EFNB2: variants seen among roughly 807,000 people sequenced by gnomAD.
EFNB2 encodes the protein ephrin-B2.
A neutral mutation model predicts 32.1 loss-of-function variants in EFNB2; 5 were observed. The observed-to-expected ratio is 0.16, with a 90% CI of 0.08 to 0.33. The LOEUF (loss-of-function observed/expected upper bound fraction) is 0.33. Ranked by LOEUF, EFNB2 falls within the 10% of genes least tolerant of loss-of-function variation. EFNB2 has a pLI of 1.00. For missense variants in EFNB2, 263 were observed against 422.6 expected (o/e 0.62, Z 3.31); for synonymous variants, 168 against 166.5 (o/e 1.01, Z -0.07).
At position 106,493,065 on chromosome 13, in the gene EFNB2, G is replaced by A. The variant is rs761345466; in HGVS notation, c.977C>T (p.Pro326Leu). The A allele has an allele frequency of 9.9e-6, 16 of 1,611,938 alleles. No homozygotes were observed. Among genetic ancestry groups the A allele is most frequent in the African/African-American group, 2.7e-5 (2 of 74,884 alleles). ...TCAGACCTTGTAGTAAATGTTCGCC[G>A]GGCTCTGCGGGGGCATCTCCTGGAC... ...YIVQEMPPQS[P>L]ANIYYKV Residue 326 changes from proline (P) to leucine (L), a missense_variant, in exon 5 of 5, where the codon CCG becomes CTG. Pro to Leu is a moderately conservative substitution (Grantham distance 98). Coordinates refer to ENST00000646441, the MANE Select transcript of EFNB2 (RefSeq NM_004093.4). The surrounding 1 kb of genome is among the most constrained non-coding windows in gnomAD (Gnocchi z 6.1).
intron 2 of EFNB2, among the ~76,000 whole-genome samples, chr13:106,498,831 GCAGA>G (rs1230995792): frequency 6.6e-6 from 1 of 152,144 alleles, no homozygotes; most frequent in Non-Finnish European, 1.5e-5. Flanking sequence ...CAGTCTGAAT[GCAGA>G]CAGTTTTTCT....
rs1486448222 is a variant in EFNB2, at chr13:106,535,650, G to A, written c.-686C>T. On this transcript the variant is annotated 5_prime_UTR_variant, in exon 1 of 5. Coordinates refer to ENST00000646441, the MANE Select transcript of EFNB2 (RefSeq NM_004093.4). ...TCCGGCCGGCGCCGCGGTCCCCGCC[G>A]AGGAGAGTCAGCGCGGCCGCCGCGC... 6.6e-6 allele frequency: 1 copy of A among 150,722 alleles called. No individual in the cohort carries two copies. Among genetic ancestry groups the A allele is most frequent in the African/African-American group, 2.4e-5 (1 of 41,212 alleles). 9.3% of individuals were successfully genotyped at this position (150,722 alleles called of 1,614,324 possible). A position where few individuals can be genotyped will look rare whatever the true frequency, so the allele number is the denominator to read the frequency against.
At chr13:106,499,924 C>CA (rs1367472900) in intron 2 of EFNB2, among the ~76,000 whole-genome samples, 3 of 152,264 alleles carry the variant, frequency 2.0e-5, no homozygotes, top group East Asian at 1.9e-4. Flanking sequence ...TACTGCTCAG[C>CA]AAAAAAGTTC....
intron 2 of EFNB2, among the ~76,000 whole-genome samples, chr13:106,512,219 A>G (rs997365463): frequency 7.9e-5 from 12 of 152,030 alleles, no homozygotes; most frequent in Non-Finnish European, 1.6e-4. Context: ...AAATCCACCA[A>G]TGGTCCTTAA....
rs113878095 is a variant in EFNB2 at position 106,493,196 on chromosome 13, G to A, written c.846C>T (p.Asn282=). ...LATPKRSGNN[N]GSEPSDIIIP... Reference sequence around the variant, plus strand: ...TGATAATGTCACTGGGCTCTGAGCCGTTGTTGTTGCCGCTGCGCTTGGGTG... The same window carrying A: ...TGATAATGTCACTGGGCTCTGAGCCATTGTTGTTGCCGCTGCGCTTGGGTG... The change falls in exon 5 of 5, where the codon AAC becomes AAT. Residue 282 remains asparagine (N), a synonymous_variant. Coordinates refer to ENST00000646441, the MANE Select transcript of EFNB2 (RefSeq NM_004093.4). This position sits in a 1 kb window ranked among gnomAD's most constrained non-coding sequence, Gnocchi z 6.1. 115 of 1,613,472 alleles carry A rather than the reference G, an allele frequency of 7.1e-5. No homozygotes were observed. The African/African-American group carries it at 1.0e-3, about 14-fold the overall frequency.
intron 2 of EFNB2, among the ~76,000 whole-genome samples, chr13:106,501,707 C>T: frequency 6.6e-6 from 1 of 152,010 alleles, no homozygotes; most frequent in East Asian, 1.9e-4. Context: ...ATTCTCCTGC[C>T]TCAGCCTCCC....
At position 106,502,182 on chromosome 13, in the gene EFNB2, G is replaced by A. The variant is rs144227516; in HGVS notation, c.407-6342C>T. 5.5e-3 allele frequency among the ~76,000 whole-genome samples: 843 copies of A among 152,262 alleles called. 6 individuals carry two copies. The highest frequency in any genetic ancestry group is 0.02 in the African/African-American group (812 of 41,548). On this transcript the variant is annotated intron_variant, in intron 2 of 4. Transcript: ENST00000646441. ...AATCATGCATTAAGAAGTAATAACT[G>A]GCTTAGCTTCAGTGACTTTTCTATG...
chr13:106,508,284 A>C (rs1879025338), intron 2 of EFNB2, among the ~76,000 whole-genome samples: 1 of 152,224 alleles, frequency 6.6e-6, no homozygotes, highest in Admixed American at 6.5e-5. Flanking sequence ...GCATTTAGTA[A>C]GTCTAAGACA....
In EFNB2 at chr13:106,492,998, T is replaced by C; in HGVS notation, c.*42A>G. The C allele has an allele frequency of 6.4e-7, 1 of 1,563,106 alleles. No homozygotes were observed. Among genetic ancestry groups the C allele is most frequent in the Non-Finnish European group, 8.7e-7 (1 of 1,153,698 alleles). On this transcript the variant is annotated 3_prime_UTR_variant, in exon 5 of 5. Coordinates refer to ENST00000646441, the MANE Select transcript of EFNB2 (RefSeq NM_004093.4). The surrounding 1 kb of genome is among the most constrained non-coding windows in gnomAD (Gnocchi z 5.1). Reference sequence around the variant, plus strand: ...ACCCTCAAGGGAGGCATCGGGACATTAGGTGTCCTCTGGGAAAGCACAGGT... The same window carrying C: ...ACCCTCAAGGGAGGCATCGGGACATCAGGTGTCCTCTGGGAAAGCACAGGT...
At chr13:106,517,086 G>T (rs1162497763) in intron 1 of EFNB2, 1 of 152,148 alleles carries the variant, frequency 6.6e-6, no homozygotes, top group African/African-American at 2.4e-5. Flanking sequence ...AAACTACACA[G>T]CACATCTATC....
At chr13:106,501,860 A>G (rs150856902) in intron 2 of EFNB2, among the ~76,000 whole-genome samples, 37 of 152,250 alleles carry the variant, frequency 2.4e-4, no homozygotes, top group Admixed American at 3.9e-4. Flanking sequence ...CCAAAGTGCT[A>G]GGATTACAGG....
chr13:106,506,743 T>C (rs1186520338), intron 2 of EFNB2: 1 of 152,212 alleles, frequency 6.6e-6, no homozygotes, highest in Admixed American at 6.5e-5. Flanking sequence ...CTCTTAGTTA[T>C]ATGTATTTGG....
chr13:106,501,834 C>T (rs1050958851), intron 2 of EFNB2, among the ~76,000 whole-genome samples: 2 of 152,078 alleles, frequency 1.3e-5, no homozygotes, highest in African/African-American at 4.8e-5. Flanking sequence ...CCTCGTGATC[C>T]GCCCGCCTCG....
intron 1 of EFNB2, among the ~76,000 whole-genome samples, chr13:106,530,501 C>T (rs1003519584): frequency 6.6e-6 from 1 of 152,200 alleles, no homozygotes; most frequent in Non-Finnish European, 1.5e-5. Flanking sequence ...AGAGATTAGG[C>T]TGATAGGAGG....
At chr13:106,520,500 C>T (rs1879473818) in intron 1 of EFNB2, 1 of 152,240 alleles carries the variant, frequency 6.6e-6, no homozygotes, top group African/African-American at 2.4e-5. Flanking sequence ...AAGACCAAGG[C>T]TCCTTTCCGA....
rs1447839264 is a variant in EFNB2 at position 106,535,194 on chromosome 13, G to T, written c.-230C>A. ...ACGCGCGGGGCGCGGCGGCGCGGCG[G>T]ACTCGGGGTTCCGGGGCGCCGCGCC... is the stretch of plus-strand genomic sequence containing the variant. On this transcript the variant is annotated 5_prime_UTR_variant, in exon 1 of 5. Transcript: ENST00000646441. 4.9e-5 allele frequency: 9 copies of T among 182,308 alleles called. No homozygotes were observed. Among genetic ancestry groups the T allele is most frequent in the Non-Finnish European group, 7.2e-5 (7 of 96,972 alleles). The allele number at this position is 182,308 out of a possible 1,614,324, so 11.3% of individuals were successfully genotyped here.
At chr13:106,515,684 T>C (rs1215755127) in intron 1 of EFNB2, among the ~76,000 whole-genome samples, 4 of 152,230 alleles carry the variant, frequency 2.6e-5, no homozygotes, top group South Asian at 2.1e-4. Context: ...TAAACAGCCA[T>C]AGCGCACAGT....
chr13:106,524,722 T>C (rs1226688180), intron 1 of EFNB2, among the ~76,000 whole-genome samples: 3 of 152,190 alleles, frequency 2.0e-5, no homozygotes, highest in Non-Finnish European at 4.4e-5. Flanking sequence ...TCTACTAGAA[T>C]ATACAAAATG....
intron 1 of EFNB2, chr13:106,520,077 T>C (rs1879450810): frequency 6.6e-6 from 1 of 152,180 alleles, no homozygotes; most frequent in Non-Finnish European, 1.5e-5. Context: ...CATTGAACTG[T>C]ACAAACATTT....
Sources: allele counts gnomAD v4.1 joint callset (sites outside exome capture counted in the v4.1 genomes callset), GRCh38; gene constraint gnomAD v4.1.1; non-coding constraint Gnocchi (gnomAD v3.1); transcripts MANE v1.5; gene names NCBI Gene and HGNC (gene_info 2026-07-23, HGNC 2026-07-21).